GRIK3: variants seen among roughly 807,000 people sequenced by gnomAD.
The protein encoded by GRIK3 is glutamate ionotropic receptor kainate type subunit 3, also known as glutamate receptor ionotropic, kainate 3.
GRIK3 carries 29 observed loss-of-function variants against 102.5 expected under a neutral mutation model. The observed-to-expected ratio is 0.28, with a 90% CI of 0.21 to 0.39. The LOEUF is 0.39. GRIK3 is among the 10% of genes least tolerant of loss of function. The pLI, the probability that GRIK3 is intolerant of heterozygous loss-of-function variation, is 1.00. For missense variants in GRIK3, 908 were observed against 1,252.4 expected (o/e 0.73, Z 4.15); for synonymous variants, 511 against 504.9 (o/e 1.01, Z -0.16).
At chr1:36,923,614 G>A (rs1400675803) in intron 1 of GRIK3, among the ~76,000 whole-genome samples, 11 of 152,086 alleles carry the variant, frequency 7.2e-5, no homozygotes, top group Non-Finnish European at 1.6e-4. Flanking sequence ...TTCCTGGCAG[G>A]GCCTCAGTTT....
intron 1 of GRIK3, among the ~76,000 whole-genome samples, chr1:36,895,891 A>T (rs1024634905): frequency 6.6e-6 from 1 of 152,232 alleles, no homozygotes; most frequent in Non-Finnish European, 1.5e-5. Context: ...AGAAAAATGC[A>T]TCTTATCTAT....
At chr1:36,867,212 A>G (rs771504915) in intron 5 of GRIK3, among the ~76,000 whole-genome samples, 9 of 152,214 alleles carry the variant, frequency 5.9e-5, no homozygotes, top group Non-Finnish European at 1.2e-4. Flanking sequence ...ATCATATCCC[A>G]GTTGACCATC....
Position 37,034,119 on chromosome 1 carries a change from CGCCGA to C in GRIK3, c.-16_-12del. 2.7e-6 allele frequency: 4 copies of C among 1,474,530 alleles called. No individual in the cohort carries two copies. The highest frequency in any genetic ancestry group is 3.7e-6 in the Non-Finnish European group (4 of 1,079,746). 91.3% of individuals were successfully genotyped at this position (1,474,530 alleles called of 1,614,324 possible). A position where few individuals can be genotyped will look rare whatever the true frequency, so the allele number is the denominator to read the frequency against. ...CCAGGGAGCGGTCATCGTTGGGCGC[CGCCGA>C]GCGTGCCCGGGGCGCGGCCGTGGCG... is the stretch of plus-strand genomic sequence containing the variant. On this transcript the variant is annotated 5_prime_UTR_variant, in exon 1 of 16. Transcript: ENST00000373091.
intron 1 of GRIK3, among the ~76,000 whole-genome samples, chr1:37,002,320 G>A (rs1437744725): frequency 6.6e-6 from 1 of 152,224 alleles, no homozygotes; most frequent in East Asian, 1.9e-4. Context: ...TAAATTAAAT[G>A]AGAGTTTCCT....
intron 2 of GRIK3, among the ~76,000 whole-genome samples, chr1:36,889,536 G>C (rs574778477): frequency 3.3e-5 from 5 of 152,118 alleles, no homozygotes; most frequent in African/African-American, 9.7e-5. Context: ...CATCTGGTTG[G>C]GGGGAGGCGG....
chr1:37,029,981 A>G (rs1411967889), intron 1 of GRIK3, among the ~76,000 whole-genome samples: 1 of 152,218 alleles, frequency 6.6e-6, no homozygotes, highest in Non-Finnish European at 1.5e-5. Flanking sequence ...AACCACCTCT[A>G]AAGACCCTAG....
rs113459534 is a variant in GRIK3, at chr1:36,832,337, C to T, written c.1531-6511G>A. Among the ~76,000 whole-genome samples the T allele has an allele frequency of 2.4e-3, 366 of 152,256 alleles. 1 individual carries two copies. The highest frequency in any genetic ancestry group is 7.3e-3 in the African/African-American group (304 of 41,552). ...TTGCTGGTTTAGACGAGGCACCCAG[C>T]GAGCGTGTCCTCTGGGTCAGCTGAC... On this transcript the variant is annotated intron_variant, in intron 10 of 15. Coordinates refer to ENST00000373091, the MANE Select transcript of GRIK3 (RefSeq NM_000831.4).
chr1:36,930,062 T>C (rs1482657330), intron 1 of GRIK3, among the ~76,000 whole-genome samples: 3 of 152,134 alleles, frequency 2.0e-5, no homozygotes, highest in Non-Finnish European at 4.4e-5. Flanking sequence ...GAGAGCAAGG[T>C]GGAGGTGGCA....
In GRIK3 at chr1:36,859,948, T is replaced by C. The variant is rs748144521; in HGVS notation, c.856A>G (p.Asn286Asp). ...GCCGAGACGTGTGGGTTGTCCACATTGAGAATCCGGAATCCTGTCAGGTTC... is the reference window on the plus strand; with the variant it reads ...GCCGAGACGTGTGGGTTGTCCACATCGAGAATCCGGAATCCTGTCAGGTTC... ...GVNLTGFRIL[N>D]VDNPHVSAIV... Residue 286 changes from asparagine to aspartate, a missense_variant, in exon 6 of 16, where the codon AAT becomes GAT. By Grantham distance (23) the Asn-to-Asp change is conservative. This residue lies in a region of GRIK3 where 585 missense variants were observed against 824.9 expected (regional missense o/e 0.71). Transcript: ENST00000373091. 8.1e-6 allele frequency: 13 copies of C among 1,613,432 alleles called. No homozygotes were observed. Among genetic ancestry groups the C allele is most frequent in the Non-Finnish European group, 1.0e-5 (12 of 1,179,694 alleles).
chr1:36,830,370 C>A (rs1640247896), intron 10 of GRIK3, among the ~76,000 whole-genome samples: 1 of 151,930 alleles, frequency 6.6e-6, no homozygotes, highest in Non-Finnish European at 1.5e-5. Context: ...CCCCCCACCC[C>A]CAATTATGTG....
rs138719685 is a variant in GRIK3 at position 36,946,472 on chromosome 1, C to T, written c.116-55376G>A. ...GCTGGACAGCCCTTCTGGAGTGGGG[C>T]TATGGACACTCGGGCATGCCCATTA... On this transcript the variant is annotated intron_variant, in intron 1 of 15. Transcript: ENST00000373091. Among the ~76,000 whole-genome samples, 20 of 152,326 alleles carry T rather than the reference C, an allele frequency of 1.3e-4. 2 individuals are homozygous for T. The highest frequency in any genetic ancestry group is 4.8e-4 in the African/African-American group (20 of 41,572).
intron 7 of GRIK3, among the ~76,000 whole-genome samples, chr1:36,855,241 C>T (rs139098990): frequency 5.5e-4 from 83 of 152,238 alleles, no homozygotes; most frequent in African/African-American, 1.9e-3. Context: ...CTTGCTTTGC[C>T]GCATTGGGTT....
chr1:37,027,969 C>G (rs1238593744), intron 1 of GRIK3, among the ~76,000 whole-genome samples: 3 of 152,174 alleles, frequency 2.0e-5, no homozygotes, highest in Non-Finnish European at 4.4e-5. Flanking sequence ...GTCTGTGACA[C>G]AGCAACACAT....
chr1:36,867,529 C>T lies in GRIK3; in HGVS notation c.786+2219G>A, dbSNP rs577694230. Among the ~76,000 whole-genome samples the T allele has an allele frequency of 3.9e-5, 6 of 152,280 alleles. No homozygotes were observed. The South Asian group carries it at 8.3e-4, about 21-fold the overall frequency. On this transcript the variant is annotated intron_variant, in intron 5 of 15. Coordinates refer to ENST00000373091, the MANE Select transcript of GRIK3 (RefSeq NM_000831.4). ...CCACCCTTGGGACAGACGACGACTA[C>T]TTCTTGGCCAATCAGCTGAGGTCTG... is the stretch of plus-strand genomic sequence containing the variant.
chr1:36,991,272 C>T (rs1244446858), intron 1 of GRIK3, among the ~76,000 whole-genome samples: 2 of 152,214 alleles, frequency 1.3e-5, no homozygotes, highest in African/African-American at 4.8e-5. Flanking sequence ...GTTCCCTTTG[C>T]TCTTTCTTCT....
In GRIK3 at chr1:37,030,149, C is replaced by T. The variant is rs74967619; in HGVS notation, c.115+3845G>A. Among the ~76,000 whole-genome samples, 45 of 152,296 alleles carry T rather than the reference C, an allele frequency of 3.0e-4. No homozygotes were observed. The South Asian group carries it at 8.5e-3, about 29-fold the overall frequency. The stretch of plus-strand genomic sequence containing the variant: ...CTCAAGTTAATGCTCTCTAAGGCCC[C>T]GCGGGCCACTCCCAGGTCTTGTCTG... On this transcript the variant is annotated intron_variant, in intron 1 of 15. Coordinates refer to ENST00000373091, the MANE Select transcript of GRIK3 (RefSeq NM_000831.4).
intron 1 of GRIK3, among the ~76,000 whole-genome samples, chr1:36,975,194 T>G (rs753731460): frequency 6.6e-6 from 1 of 152,130 alleles, no homozygotes; most frequent in African/African-American, 2.4e-5. Context: ...TTTTAAAACT[T>G]TAAATATACA....
At chr1:36,836,753 C>T (rs573685816) in intron 10 of GRIK3, among the ~76,000 whole-genome samples, 2 of 152,258 alleles carry the variant, frequency 1.3e-5, no homozygotes, top group African/African-American at 4.8e-5. Context: ...ATCCATTTCC[C>T]GTGGCCTGCA....
At chr1:36,999,718 G>T (rs764632249) in intron 1 of GRIK3, among the ~76,000 whole-genome samples, 15 of 152,144 alleles carry the variant, frequency 9.9e-5, no homozygotes, top group Non-Finnish European at 1.6e-4. Flanking sequence ...CCCCTTGTGG[G>T]GGTGACATAT....
Sources: allele counts gnomAD v4.1 joint callset (sites outside exome capture counted in the v4.1 genomes callset), GRCh38; gene constraint gnomAD v4.1.1; regional missense constraint gnomAD v4.1.1; transcripts MANE v1.5; gene names NCBI Gene and HGNC (gene_info 2026-07-23, HGNC 2026-07-21).